The following CRADD variants were observed in gnomAD, a reference collection of about 807,000 sequenced individuals.
CRADD encodes CARD and death domain containing adaptor protein.
CRADD carries 9 observed loss-of-function variants against 15.5 expected under a neutral mutation model. That is an observed-to-expected ratio of 0.58 (90% CI 0.35 to 1.01). CRADD has a LOEUF of 1.01. Among genes scored for constraint, CRADD ranks in the 50% least tolerant of loss-of-function variants. CRADD has a pLI of 0.02. For missense variants in CRADD, 227 were observed against 250.3 expected (o/e 0.91, Z 0.63); for synonymous variants, 118 against 107.6 (o/e 1.10, Z -0.60).
At chr12:93,747,537 C>T (rs1172447927) in intron 2 of CRADD, among the ~76,000 whole-genome samples, 1 of 151,662 alleles carries the variant, frequency 6.6e-6, no homozygotes, top group Non-Finnish European at 1.5e-5. Context: ...CTCAGCTCAC[C>T]ACAACCTCCA....
At chr12:93,892,482 C>T (rs918411162) in intron 2 of CRADD, among the ~76,000 whole-genome samples, 5 of 152,090 alleles carry the variant, frequency 3.3e-5, no homozygotes, top group Admixed American at 1.3e-4. Flanking sequence ...CATGTGAGAG[C>T]GTTTTACCAC....
At chr12:93,885,110 T>G (rs1417308391) in intron 2 of CRADD, among the ~76,000 whole-genome samples, 1 of 152,166 alleles carries the variant, frequency 6.6e-6, no homozygotes, top group African/African-American at 2.4e-5. Flanking sequence ...GTTTTTCGTA[T>G]AAGGAAACTG....
At chr12:93,830,467 C>G (rs918870379) in intron 2 of CRADD, among the ~76,000 whole-genome samples, 4 of 152,048 alleles carry the variant, frequency 2.6e-5, no homozygotes, top group Admixed American at 6.5e-5. Flanking sequence ...ACACATGCAC[C>G]TGCTTCTTTT....
At chr12:93,744,525 G>A (rs1212010416) in intron 2 of CRADD, among the ~76,000 whole-genome samples, 1 of 152,172 alleles carries the variant, frequency 6.6e-6, no homozygotes, top group Non-Finnish European at 1.5e-5. Flanking sequence ...AATCACACTT[G>A]CAGTGTCCCT....
intron 2 of CRADD, among the ~76,000 whole-genome samples, chr12:93,813,777 G>A (rs567970057): frequency 1.3e-5 from 2 of 152,222 alleles, no homozygotes; most frequent in East Asian, 1.9e-4. Flanking sequence ...AGCTAAGCTA[G>A]GGGAGGGAGC....
chr12:93,683,441 C>T (rs184046484), intron 2 of CRADD, among the ~76,000 whole-genome samples: 257 of 152,362 alleles, frequency 1.7e-3, no homozygotes, highest in Non-Finnish European at 3.1e-3. Flanking sequence ...GAACACAGCT[C>T]GGTGCCTCCG....
At chr12:93,710,787 C>G (rs560627316) in intron 2 of CRADD, among the ~76,000 whole-genome samples, 1 of 152,052 alleles carries the variant, frequency 6.6e-6, no homozygotes. Flanking sequence ...AGTTGGGATG[C>G]GCAGACAGGG....
At chr12:93,782,806 A>G (rs886630000) in intron 2 of CRADD, among the ~76,000 whole-genome samples, 6 of 152,204 alleles carry the variant, frequency 3.9e-5, no homozygotes, top group Admixed American at 3.9e-4. Context: ...GTCCTTATCT[A>G]TTTAGAAGCA....
intron 2 of CRADD, among the ~76,000 whole-genome samples, chr12:93,692,144 A>C (rs1342925257): frequency 6.6e-6 from 1 of 152,150 alleles, no homozygotes; most frequent in Non-Finnish European, 1.5e-5. Context: ...AGAAGAAAGA[A>C]TCTGTAAACT....
intron 2 of CRADD, among the ~76,000 whole-genome samples, chr12:93,840,119 G>A (rs1363424351): frequency 2.0e-5 from 3 of 152,166 alleles, no homozygotes; most frequent in African/African-American, 7.2e-5. Context: ...TTTGGGGAAA[G>A]CCTCTTCTTT....
chr12:93,825,017 T>C (rs1957808805), intron 2 of CRADD, among the ~76,000 whole-genome samples: 1 of 152,216 alleles, frequency 6.6e-6, no homozygotes, highest in Non-Finnish European at 1.5e-5. Flanking sequence ...GCTGTTGGTA[T>C]TTTTTGTTAA....
chr12:93,776,763 A>G (rs58389858), intron 2 of CRADD, among the ~76,000 whole-genome samples: 7,547 of 152,316 alleles, frequency 0.05, 466 homozygotes, highest in Admixed American at 0.13. Flanking sequence ...CTTTGAAAGC[A>G]TGCTGCTAAG....
intron 2 of CRADD, among the ~76,000 whole-genome samples, chr12:93,785,716 G>A (rs1957270875): frequency 6.6e-6 from 1 of 152,172 alleles, no homozygotes; most frequent in South Asian, 2.1e-4. Context: ...GTGGAAGAAT[G>A]GTGTTACCCT....
intron 2 of CRADD, among the ~76,000 whole-genome samples, chr12:93,759,424 G>A (rs1392693489): frequency 2.0e-5 from 3 of 150,370 alleles, no homozygotes; most frequent in Non-Finnish European, 4.4e-5. Flanking sequence ...CTCGAGAAAG[G>A]AAAAAAAAAA....
In CRADD at chr12:93,832,735, G is replaced by A. The variant is rs192704428; in HGVS notation, c.299-17235G>A. Among the ~76,000 whole-genome samples, 522 of 152,236 alleles carry A rather than the reference G, an allele frequency of 3.4e-3. 1 individual carries two copies. The highest frequency in any genetic ancestry group is 6.8e-3 in the Middle Eastern group (2 of 294). On this transcript the variant is annotated intron_variant, in intron 2 of 2. Transcript: ENST00000332896. ...ACAATCATCAGTAGGAAATAATTAC[G>A]TGATTAAGGAGTTCATTTTCCCTAT...
chr12:93,755,240 A>G (rs1408457518), intron 2 of CRADD, among the ~76,000 whole-genome samples: 2 of 152,124 alleles, frequency 1.3e-5, no homozygotes, highest in East Asian at 1.9e-4. Context: ...ACAATTCAAG[A>G]TGATATTTGG....
intron 2 of CRADD, among the ~76,000 whole-genome samples, chr12:93,726,792 C>T (rs1956374721): frequency 2.0e-5 from 3 of 151,744 alleles, no homozygotes; most frequent in African/African-American, 4.8e-5. Flanking sequence ...TGAGATTAGA[C>T]GGATATACAA....
chr12:93,782,609 A>AT (rs1957224298), intron 2 of CRADD, among the ~76,000 whole-genome samples: 1 of 151,986 alleles, frequency 6.6e-6, no homozygotes. Flanking sequence ...AAAAAAAAAA[A>AT]AGACTTAAGG....
chr12:93,697,461 A>G (rs1386020225), intron 2 of CRADD, among the ~76,000 whole-genome samples: 10 of 152,186 alleles, frequency 6.6e-5, no homozygotes, highest in Non-Finnish European at 1.2e-4. Context: ...TGAGAAGTAA[A>G]TTTCTATTGT....
Sources: gnomAD v4.1 joint callset for allele counts (sites outside exome capture counted in the v4.1 genomes callset) on GRCh38, gnomAD v4.1.1 for gene constraint, MANE v1.5 for transcripts, NCBI Gene and HGNC (gene_info 2026-07-23, HGNC 2026-07-21) for gene names.